ANK2: variants seen among roughly 807,000 people sequenced by gnomAD.
ANK2 encodes ankyrin 2.
ANK2 carries 83 observed loss-of-function variants against 360.5 expected under a neutral mutation model. That is an observed-to-expected ratio of 0.23 (90% CI 0.19 to 0.28). The LOEUF is 0.28. ANK2 is among the 10% of genes least tolerant of loss of function. The pLI is 1.00. For synonymous variants in ANK2, 1,740 were observed against 1,759.5 expected (o/e 0.99, Z 0.28); for missense variants, 4,201 against 4,795.7 (o/e 0.88, Z 3.66).
chr4:113,149,424 G>A (rs1031292542), intron 1 of ANK2, among the ~76,000 whole-genome samples: 22 of 152,010 alleles, frequency 1.4e-4, no homozygotes, highest in Admixed American at 2.6e-4. Context: ...ATTGTCTTCC[G>A]TAAAAGTTTT....
chr4:113,358,666 G>A lies in ANK2; in HGVS notation c.10048G>A (p.Val3350Ile). 2 of 1,614,038 alleles carry A rather than the reference G, an allele frequency of 1.2e-6. No individual in the cohort carries two copies. Among genetic ancestry groups the A allele is most frequent in the South Asian group, 1.1e-5 (1 of 91,078 alleles). ...AGCAAAACCAAAGTCCAAACTCCCT[G>A]TCAAAGTACCCCTCCAAAGAGTTGA... ...DEAKPKSKLP[V>I]KVPLQRVEQQ... Residue 3350 changes from valine to isoleucine, a missense_variant, in exon 38 of 46, where the codon GTC (valine) becomes ATC (isoleucine). Physicochemically the swap from Val to Ile is conservative, Grantham distance 29. This residue lies in a region of ANK2 where 2,642 missense variants were observed against 2,714.5 expected (regional missense o/e 0.97). Transcript: ENST00000357077.
intron 1 of ANK2, among the ~76,000 whole-genome samples, chr4:113,123,495 C>T (rs1315581218): frequency 6.6e-6 from 1 of 152,126 alleles, no homozygotes; most frequent in African/African-American, 2.4e-5. Flanking sequence ...GTCTCAGTCA[C>T]AGAGACATTA....
At chr4:112,954,229 C>CCCTTCCTTCCTTCCTTCCTTCCTT (rs1162519296) in intron 2 of ANK2, among the ~76,000 whole-genome samples, 247 of 141,476 alleles carry the variant, frequency 1.7e-3, no homozygotes, top group African/African-American at 6.5e-3. Context: ...CTCCCTCCCT[C>CCCTTCCTTCCTTCCTTCCTTCCTT]CCTTCCTTCC....
At chr4:113,326,053 C>CG (rs2089644521) in intron 26 of ANK2, among the ~76,000 whole-genome samples, 1 of 152,192 alleles carries the variant, frequency 6.6e-6, no homozygotes, top group Admixed American at 6.5e-5. Context: ...TCAGTCAACT[C>CG]CAGTATGTGA....
At chr4:113,248,846 T>C (rs149902369) in intron 9 of ANK2, among the ~76,000 whole-genome samples, 1 of 152,318 alleles carries the variant, frequency 6.6e-6, no homozygotes, top group African/African-American at 2.4e-5. Context: ...TCTTTTTTTC[T>C]TTTTCCTTCC....
intron 2 of ANK2, among the ~76,000 whole-genome samples, chr4:112,984,459 A>T (rs745666715): frequency 8.5e-5 from 13 of 152,184 alleles, no homozygotes; most frequent in African/African-American, 1.4e-4. Context: ...ATCAGATCTC[A>T]TGAGACTTAC....
rs530147486 is a variant in ANK2, at chr4:113,116,388, T to C, written c.85-58028T>C. Among the ~76,000 whole-genome samples, 8 of 152,174 alleles carry C rather than the reference T, an allele frequency of 5.3e-5. 1 individual carries two copies. The East Asian group carries it at 9.7e-4, about 18-fold the overall frequency. Reference sequence around the variant, plus strand: ...CCAGGAAAACCTCGCTGAGCCCAGATTATATTGTTTGTTCACTGACAGCTC... The same window carrying C: ...CCAGGAAAACCTCGCTGAGCCCAGACTATATTGTTTGTTCACTGACAGCTC... On this transcript the variant is annotated intron_variant, in intron 1 of 45. Coordinates refer to ENST00000357077, the MANE Select transcript of ANK2 (RefSeq NM_001148.6).
chr4:112,958,691 T>C lies in ANK2; in HGVS notation c.21+54177T>C, dbSNP rs1170711377. Among the ~76,000 whole-genome samples, 5 of 151,954 alleles carry C rather than the reference T, an allele frequency of 3.3e-5. No individual in the cohort carries two copies. The East Asian group carries it at 9.9e-4, about 30-fold the overall frequency. Reference sequence around the variant, plus strand: ...AGATTTAATACTGCATGTTAATCAATTTTTTGTTACCCTTTTTGAGTTGAC... The same window carrying C: ...AGATTTAATACTGCATGTTAATCAACTTTTTGTTACCCTTTTTGAGTTGAC... On this transcript the variant is annotated intron_variant, in intron 2 of 30. Transcript: ENST00000503271.
intron 2 of ANK2, among the ~76,000 whole-genome samples, chr4:112,949,500 C>G (rs2094790080): frequency 1.3e-5 from 2 of 152,146 alleles, no homozygotes; most frequent in African/African-American, 4.8e-5. Context: ...AGTTTGGGGC[C>G]TCAGCTTAAA....
At chr4:113,022,313 T>C (rs570780576) in intron 2 of ANK2, among the ~76,000 whole-genome samples, 4 of 152,332 alleles carry the variant, frequency 2.6e-5, no homozygotes, top group African/African-American at 9.6e-5. Context: ...TAAAATCAAT[T>C]CTAGTTTCCC....
chr4:113,146,077 G>C (rs3112981), intron 1 of ANK2: 2 of 1,267,728 alleles, frequency 1.6e-6, no homozygotes, highest in Non-Finnish European at 2.1e-6. Flanking sequence ...TCATTGGTCA[G>C]ACCTCTAAAC....
At chr4:113,236,837 T>A in intron 5 of ANK2, 150 bp from the exon 6 acceptor site, 1 of 799,274 alleles carries the variant, frequency 1.3e-6, no homozygotes, top group South Asian at 1.6e-5. Context: ...GATGGATAAC[T>A]GGTTATAATC....
At chr4:112,749,459 T>C in the ANK2 span, among the ~76,000 whole-genome samples, 1 of 152,140 alleles carries the variant, frequency 6.6e-6, no homozygotes, top group African/African-American at 2.4e-5. Flanking sequence ...GACCCAACTT[T>C]GGAATTTTGG....
intron 1 of ANK2, among the ~76,000 whole-genome samples, chr4:112,848,419 C>A (rs757560830): frequency 1.5e-4 from 23 of 152,178 alleles, no homozygotes; most frequent in Non-Finnish European, 3.1e-4. Flanking sequence ...GCCTTGGCCT[C>A]CCAAAGTGCG....
intron 24 of ANK2, among the ~76,000 whole-genome samples, chr4:113,314,821 A>G (rs1039489699): frequency 6.6e-5 from 10 of 152,228 alleles, no homozygotes; most frequent in Non-Finnish European, 1.3e-4. Context: ...ATTTTTAAAA[A>G]AGCAGTTAGA....
At chr4:112,966,037 A>G (rs1318155713) in intron 2 of ANK2, among the ~76,000 whole-genome samples, 2 of 151,892 alleles carry the variant, frequency 1.3e-5, no homozygotes, top group Non-Finnish European at 2.9e-5. Context: ...ACATATTTAA[A>G]TAAGGCTATA....
chr4:113,302,823 T>A lies in ANK2; in HGVS notation c.2532T>A (p.Asp844Glu). ...NVPETMTEVL[D>E]VSDEEGDDTM... ...CTGAGACGATGACTGAGGTTCTTGA[T>A]GTTTCTGATGAAGAGGGTAAGACTT... Residue 844 changes from aspartate to glutamate, a missense_variant, in exon 23 of 46, where the codon GAT becomes GAA. By Grantham distance (45) the Asp-to-Glu change is conservative. Around this residue, in one of 4 missense-constraint regions of ANK2, gnomAD observed 1,268 missense variants for 1,650.8 expected, o/e 0.77. Transcript: ENST00000357077. 1 of 1,613,632 alleles carries A rather than the reference T, an allele frequency of 6.2e-7. No homozygotes were observed. The highest frequency in any genetic ancestry group is 1.1e-5 in the South Asian group (1 of 91,064).
chr4:112,815,567 TGCCCTA>T (rs938896012), upstream of ANK2, among the ~76,000 whole-genome samples: 1 of 152,212 alleles, frequency 6.6e-6, no homozygotes, highest in Non-Finnish European at 1.5e-5. Context: ...GGCAGGGGCC[TGCCCTA>T]GATAGCTTCA....
chr4:113,198,340 G>GT (rs150005562), intron 3 of ANK2, among the ~76,000 whole-genome samples: 4,409 of 150,540 alleles, frequency 0.029, 98 homozygotes, highest in East Asian at 0.059. Context: ...CTGGTTTCTG[G>GT]TTTTTTTTTC....
Sources: gnomAD v4.1 joint callset for allele counts (sites outside exome capture counted in the v4.1 genomes callset) on GRCh38, gnomAD v4.1.1 for gene constraint, gnomAD v4.1.1 regional missense constraint, MANE v1.5 for transcripts, NCBI Gene and HGNC (gene_info 2026-07-23, HGNC 2026-07-21) for gene names.